ENOX2: variants seen among roughly 807,000 people sequenced by gnomAD.
The protein encoded by ENOX2 is APK1 antigen.
Under a neutral mutation model 45.0 loss-of-function variants are expected in ENOX2, and 36 were observed. The observed-to-expected ratio is 0.80, with a 90% CI of 0.61 to 1.06. ENOX2 has a LOEUF of 1.06. ENOX2 is among the 50% of genes least tolerant of loss of function. ENOX2 has a pLI of 0.00. For missense variants in ENOX2, 423 were observed against 462.5 expected (o/e 0.91, Z 0.78); for synonymous variants, 174 against 152.3 (o/e 1.14, Z -1.05).
At chrX:130,792,905 G>C (rs1196486300) in intron 2 of ENOX2, among the ~76,000 whole-genome samples, 1 of 112,882 alleles carries the variant, frequency 8.9e-6, no homozygotes, top group Non-Finnish European at 1.9e-5. Flanking sequence ...TGTAGCTAGT[G>C]GCTGCTGTTT....
chrX:130,690,267 C>A (rs2037558479), intron 4 of ENOX2, among the ~76,000 whole-genome samples: 1 of 111,683 alleles, frequency 9.0e-6, no homozygotes, highest in Admixed American at 9.5e-5. Flanking sequence ...CCTGATGATA[C>A]TGCCTGCCTG....
chrX:130,785,766 T>C (rs998488379), intron 2 of ENOX2, among the ~76,000 whole-genome samples: 1 of 112,523 alleles, frequency 8.9e-6, no homozygotes, highest in African/African-American at 3.2e-5. Flanking sequence ...AAACTTTTCT[T>C]GGAATTTCTT....
intron 2 of ENOX2, among the ~76,000 whole-genome samples, chrX:130,820,890 A>C (rs2077584423): frequency 8.9e-6 from 1 of 112,092 alleles, no homozygotes; most frequent in African/African-American, 3.2e-5. Context: ...GATCTATTGT[A>C]AAACATGGTG....
chrX:130,879,727 A>G (rs748097020), intron 2 of ENOX2, among the ~76,000 whole-genome samples: 11 of 111,941 alleles, frequency 9.8e-5, no homozygotes, highest in Non-Finnish European at 1.9e-4. Flanking sequence ...CCTATAGCAT[A>G]CCTTTAAAAC....
chrX:130,786,973 C>T (rs1603350274), intron 2 of ENOX2, among the ~76,000 whole-genome samples: 2 of 85,461 alleles, frequency 2.3e-5, no homozygotes, highest in African/African-American at 4.4e-5. Context: ...CCTGAGGAAT[C>T]GCCACACTGA....
intron 4 of ENOX2, among the ~76,000 whole-genome samples, chrX:130,690,107 CAT>C (rs772987741): frequency 1.7e-3 from 193 of 111,255 alleles, no homozygotes; most frequent in African/African-American, 5.7e-3. Flanking sequence ...CTCAGGTACA[CAT>C]GTGTCCTGTT....
intron 5 of ENOX2, among the ~76,000 whole-genome samples, chrX:130,685,696 G>A (rs2037430981): frequency 8.9e-6 from 1 of 111,868 alleles, no homozygotes; most frequent in African/African-American, 3.3e-5. Context: ...TTTTAGTTCC[G>A]ATACCTTCCA....
intron 3 of ENOX2, among the ~76,000 whole-genome samples, chrX:130,717,276 C>G (rs777564389): frequency 8.9e-6 from 1 of 112,054 alleles, no homozygotes; most frequent in Non-Finnish European, 1.9e-5. Flanking sequence ...TCTGTCAGTT[C>G]CAACACCAAG....
chrX:130,688,034 A>G (rs2037492367), intron 5 of ENOX2, among the ~76,000 whole-genome samples: 1 of 112,149 alleles, frequency 8.9e-6, no homozygotes, highest in African/African-American at 3.2e-5. Flanking sequence ...AAACAGCTCT[A>G]ATCTTTGTAC....
chrX:130,646,002 G>A, intron 10 of ENOX2: 2 of 604,114 alleles, frequency 3.3e-6, no homozygotes, highest in Non-Finnish European at 2.9e-6. Context: ...CTACGTTTGT[G>A]AGAGGAAGGA....
In ENOX2 at chrX:130,623,283, A is replaced by G. The variant is rs757957853; in HGVS notation, c.*2031T>C. The stretch of plus-strand genomic sequence containing the variant: ...ATCTGCAATGTAAGTTGATTAAGTG[A>G]AGGAGAGTAAGGTATTTAGGTGTGG... On this transcript the variant is annotated 3_prime_UTR_variant, in exon 15 of 15. Coordinates refer to ENST00000394363, the MANE Select transcript of ENOX2 (RefSeq NM_006375.4). 3 of 111,659 alleles carry G rather than the reference A, an allele frequency of 2.7e-5. No individual in the cohort carries two copies. The East Asian group carries it at 8.4e-4, about 31-fold the overall frequency. 9.2% of individuals were successfully genotyped at this position (111,659 alleles called of 1,213,427 possible). A position where few individuals can be genotyped will look rare whatever the true frequency, so the allele number is the denominator to read the frequency against.
chrX:130,633,661 CA>C (rs1014152756), intron 12 of ENOX2, among the ~76,000 whole-genome samples: 1 of 112,114 alleles, frequency 8.9e-6, no homozygotes, highest in African/African-American at 3.2e-5. Flanking sequence ...GCTACTTACA[CA>C]AAAAAATGTC....
intron 10 of ENOX2, among the ~76,000 whole-genome samples, chrX:130,639,921 C>A (rs1484241726): frequency 8.9e-6 from 1 of 111,822 alleles, no homozygotes; most frequent in African/African-American, 3.3e-5. Flanking sequence ...CTGCTATAAC[C>A]AAATACCACA....
At chrX:130,690,620 T>C (rs1325333815) in intron 4 of ENOX2, among the ~76,000 whole-genome samples, 2 of 112,016 alleles carry the variant, frequency 1.8e-5, no homozygotes, top group Non-Finnish European at 3.8e-5. Context: ...GACTTCACCA[T>C]GTTCACCACA....
intron 4 of ENOX2, among the ~76,000 whole-genome samples, chrX:130,696,363 G>A (rs923973224): frequency 9.0e-6 from 1 of 111,231 alleles, no homozygotes; most frequent in African/African-American, 3.3e-5. Flanking sequence ...CCTTTGGAGG[G>A]GCATTAGTGA....
At chrX:130,722,235 T>C (rs2038498113) in intron 3 of ENOX2, among the ~76,000 whole-genome samples, 2 of 112,032 alleles carry the variant, frequency 1.8e-5, no homozygotes, top group South Asian at 7.5e-4. Flanking sequence ...AATATGAATA[T>C]GTCTTTTTTC....
In ENOX2 at chrX:130,753,035, CTA is replaced by C. The variant is rs746286960; in HGVS notation, c.-39+30510_-39+30511del. 1.0e-3 allele frequency among the ~76,000 whole-genome samples: 112 copies of C among 111,472 alleles called. 2 individuals carry two copies. The highest frequency in any genetic ancestry group is 2.1e-4 in the Non-Finnish European group (11 of 52,906). On this transcript the variant is annotated intron_variant, in intron 3 of 14. Transcript: ENST00000394363. ...TACCCGCAACACCCCACTTCTCTGT[CTA>C]TCTCTCAGGGTTTGTCTGTCCATGT...
At chrX:130,827,784 T>C (rs2077746954) in intron 2 of ENOX2, among the ~76,000 whole-genome samples, 1 of 111,902 alleles carries the variant, frequency 8.9e-6, no homozygotes, top group South Asian at 3.7e-4. Context: ...GATTTATGTG[T>C]GCATGTCTCT....
intron 2 of ENOX2, among the ~76,000 whole-genome samples, chrX:130,889,946 C>G (rs2078961472): frequency 8.9e-6 from 1 of 112,776 alleles, no homozygotes; most frequent in African/African-American, 3.2e-5. Flanking sequence ...AGGTGTCAGT[C>G]CAATTTCAGG....
Sources: allele counts gnomAD v4.1 joint callset (sites outside exome capture counted in the v4.1 genomes callset), GRCh38; gene constraint gnomAD v4.1.1; transcripts MANE v1.5; gene names NCBI Gene and HGNC (gene_info 2026-07-23, HGNC 2026-07-21).